The following CDC42SE2 variants were observed in gnomAD, a reference collection of about 807,000 sequenced individuals.
The protein encoded by CDC42SE2 is CDC42 small effector protein 2.
CDC42SE2 carries 3 observed loss-of-function variants against 11.5 expected under a neutral mutation model. The ratio of observed to expected loss-of-function variants is 0.26; its 90% CI spans 0.12 to 0.67. The LOEUF (loss-of-function observed/expected upper bound fraction) is 0.67, where lower values mean the gene tolerates loss of function less well. Ranked by LOEUF, CDC42SE2 falls within the 30% of genes least tolerant of loss-of-function variation. The pLI is 0.80. For missense variants in CDC42SE2, 82 were observed against 106.8 expected (o/e 0.77, Z 1.02); for synonymous variants, 33 against 34.8 (o/e 0.95, Z 0.18).
At chr5:131,370,220 A>G (rs1234325076) in intron 3 of CDC42SE2, among the ~76,000 whole-genome samples, 1 of 152,190 alleles carries the variant, frequency 6.6e-6, no homozygotes, top group African/African-American at 2.4e-5. Context: ...TATTGTTGTT[A>G]TGACAAAAAT....
At chr5:131,210,249 G>C in the CDC42SE2 span, among the ~76,000 whole-genome samples, 2 of 152,216 alleles carry the variant, frequency 1.3e-5, no homozygotes, top group African/African-American at 4.8e-5. Context: ...ATACAGAGGT[G>C]CTGGAGGCAA....
At chr5:131,288,189 A>C (rs1199373910) in intron 1 of CDC42SE2, among the ~76,000 whole-genome samples, 2 of 151,504 alleles carry the variant, frequency 1.3e-5, no homozygotes, top group African/African-American at 2.4e-5. Flanking sequence ...ATCCCACTAC[A>C]CTCCAGCCTG....
At chr5:131,277,679 T>TTC in intron 1 of CDC42SE2, among the ~76,000 whole-genome samples, 1 of 152,212 alleles carries the variant, frequency 6.6e-6, no homozygotes, top group East Asian at 1.9e-4. Flanking sequence ...CACTGGTTGT[T>TTC]TCCTTTGTTT....
At chr5:131,327,115 T>C (rs1054993581) in intron 2 of CDC42SE2, among the ~76,000 whole-genome samples, 4 of 152,250 alleles carry the variant, frequency 2.6e-5, no homozygotes, top group Non-Finnish European at 5.9e-5. Flanking sequence ...TTTTCATCCC[T>C]TTCCCTTTTG....
At chr5:131,280,536 G>A (rs1415579632) in intron 1 of CDC42SE2, among the ~76,000 whole-genome samples, 1 of 152,190 alleles carries the variant, frequency 6.6e-6, no homozygotes, top group Non-Finnish European at 1.5e-5. Context: ...AAAAACAATG[G>A]TGTTTATAGA....
At chr5:131,336,992 T>C (rs1298444264) in intron 2 of CDC42SE2, among the ~76,000 whole-genome samples, 1 of 152,250 alleles carries the variant, frequency 6.6e-6, no homozygotes, top group Non-Finnish European at 1.5e-5. Flanking sequence ...TCTGTCCAGC[T>C]TTGTTCCGTT....
intron 3 of CDC42SE2, among the ~76,000 whole-genome samples, chr5:131,382,864 G>C (rs1357310031): frequency 1.3e-5 from 2 of 152,078 alleles, no homozygotes; most frequent in African/African-American, 4.8e-5. Flanking sequence ...TACATTTCTG[G>C]ACCTGCCCAA....
At chr5:131,351,525 A>G (rs1345285262) in intron 2 of CDC42SE2, among the ~76,000 whole-genome samples, 1 of 152,132 alleles carries the variant, frequency 6.6e-6, no homozygotes, top group Non-Finnish European at 1.5e-5. Flanking sequence ...AAGTGTTGGG[A>G]TTACAGGCGT....
intron 1 of CDC42SE2, among the ~76,000 whole-genome samples, chr5:131,307,732 T>G (rs1397312928): frequency 1.3e-5 from 2 of 152,158 alleles, no homozygotes; most frequent in Non-Finnish European, 2.9e-5. Flanking sequence ...GCACCTGTTG[T>G]TTCCTGACTT....
chr5:131,387,903 T>C (rs1433756080), intron 4 of CDC42SE2, among the ~76,000 whole-genome samples: 5 of 152,234 alleles, frequency 3.3e-5, no homozygotes, highest in Non-Finnish European at 7.4e-5. Context: ...TATAGTTATT[T>C]CGTATTTGAG....
chr5:131,338,197 T>G (rs966553901), intron 2 of CDC42SE2, among the ~76,000 whole-genome samples: 1 of 152,192 alleles, frequency 6.6e-6, no homozygotes, highest in Non-Finnish European at 1.5e-5. Context: ...CCACAGTTAT[T>G]TTTGTACTGG....
At chr5:131,253,892 AGTC>A (rs1370821177) in intron 1 of CDC42SE2, among the ~76,000 whole-genome samples, 2 of 152,232 alleles carry the variant, frequency 1.3e-5, no homozygotes, top group African/African-American at 4.8e-5. Flanking sequence ...AATCTCTCAT[AGTC>A]ACTTTCAGTG....
chr5:131,333,795 ATT>A (rs1321750507), intron 2 of CDC42SE2, among the ~76,000 whole-genome samples: 5 of 152,166 alleles, frequency 3.3e-5, no homozygotes, highest in Admixed American at 3.3e-4. Context: ...AATGCTTGTG[ATT>A]TTTGCACATT....
chr5:131,327,390 ACTTTCTTTATCTCTTGGAGTG>A (rs1304461003), intron 2 of CDC42SE2, among the ~76,000 whole-genome samples: 1 of 151,780 alleles, frequency 6.6e-6, no homozygotes, highest in Non-Finnish European at 1.5e-5. Context: ...GACTACTTTT[ACTTTCTTTATCTCTTGGAGTG>A]CTTTCTTTAT....
intron 1 of CDC42SE2, among the ~76,000 whole-genome samples, chr5:131,285,164 T>A (rs958733985): frequency 1.3e-5 from 2 of 151,790 alleles, no homozygotes; most frequent in Non-Finnish European, 2.9e-5. Flanking sequence ...TATACACCTT[T>A]GTCCCAGCAA....
the CDC42SE2 span, among the ~76,000 whole-genome samples, chr5:131,239,839 T>G: frequency 1.2e-4 from 19 of 152,156 alleles, no homozygotes; most frequent in Non-Finnish European, 2.5e-4. Context: ...CCAAACAGAG[T>G]CCAGCTTAGA....
chr5:131,239,619 C>G, the CDC42SE2 span, among the ~76,000 whole-genome samples: 2 of 152,068 alleles, frequency 1.3e-5, no homozygotes, highest in South Asian at 2.1e-4. Context: ...ATTCATGGAC[C>G]ACTGTTGAAA....
At chr5:131,346,175 G>A (rs564314216) in intron 2 of CDC42SE2, among the ~76,000 whole-genome samples, 1 of 152,236 alleles carries the variant, frequency 6.6e-6, no homozygotes, top group Non-Finnish European at 1.5e-5. Context: ...ATGTAAATGG[G>A]CTAAATGTTC....
At chr5:131,333,471 A>G (rs1758473589) in intron 2 of CDC42SE2, among the ~76,000 whole-genome samples, 1 of 152,140 alleles carries the variant, frequency 6.6e-6, no homozygotes, top group South Asian at 2.1e-4. Context: ...GTTCCATATG[A>G]ACTTGAAAGT....
Sources: gnomAD v4.1 joint callset for allele counts (sites outside exome capture counted in the v4.1 genomes callset) on GRCh38, gnomAD v4.1.1 for gene constraint, MANE v1.5 for transcripts, NCBI Gene and HGNC (gene_info 2026-07-23, HGNC 2026-07-21) for gene names.